The following ATP8A2 variants were observed in gnomAD, a reference collection of about 807,000 sequenced individuals.
ATP8A2 encodes ATPase phospholipid transporting 8A2.
A neutral mutation model predicts 165.6 loss-of-function variants in ATP8A2; 100 were observed. That is an observed-to-expected ratio of 0.60 (90% CI 0.51 to 0.71). The LOEUF (loss-of-function observed/expected upper bound fraction) is 0.71, where lower values mean the gene tolerates loss of function less well. ATP8A2 is among the 30% of genes least tolerant of loss of function. The pLI, the probability that ATP8A2 is intolerant of heterozygous loss-of-function variation, is 0.00. For missense variants in ATP8A2, 1,227 were observed against 1,479.5 expected (o/e 0.83, Z 2.80); for synonymous variants, 543 against 548.8 (o/e 0.99, Z 0.15).
intron 33 of ATP8A2, among the ~76,000 whole-genome samples, chr13:25,910,928 T>C (rs1954087937): frequency 6.6e-6 from 1 of 151,764 alleles, no homozygotes; most frequent in African/African-American, 2.4e-5. Flanking sequence ...CTCTCAATTT[T>C]TTTTTTTTTT....
intron 27 of ATP8A2, among the ~76,000 whole-genome samples, chr13:25,780,814 A>G: frequency 6.6e-6 from 1 of 151,992 alleles, no homozygotes; most frequent in Admixed American, 6.6e-5. Flanking sequence ...CTGATCTGAC[A>G]GGAGGCGGAG....
intron 16 of ATP8A2, among the ~76,000 whole-genome samples, chr13:25,567,984 A>C (rs1252188628): frequency 1.3e-5 from 2 of 152,372 alleles, no homozygotes; most frequent in South Asian, 4.1e-4. Context: ...CCACATTCTC[A>C]TCTAAATTGT....
At chr13:25,453,122 CGTTTCTTTTCTTTTCTTTTTGAAACGAA>C (rs1469474409) in intron 1 of ATP8A2, among the ~76,000 whole-genome samples, 1 of 151,560 alleles carries the variant, frequency 6.6e-6, no homozygotes, top group Non-Finnish European at 1.5e-5. Flanking sequence ...GTTATATGAA[CGTTTCTTTTCTTTTCTTTTTGAAACGAA>C]GTTTTCGCTC....
intron 1 of ATP8A2, among the ~76,000 whole-genome samples, chr13:25,468,411 C>G (rs61947627): frequency 0.28 from 43,157 of 152,036 alleles, 6,469 homozygotes; most frequent in African/African-American, 0.4. Context: ...CTGGGGTCTC[C>G]GAAGCCCATT....
At chr13:25,898,323 G>A (rs926170734) in intron 33 of ATP8A2, among the ~76,000 whole-genome samples, 17 of 152,276 alleles carry the variant, frequency 1.1e-4, no homozygotes, top group African/African-American at 1.9e-4. Flanking sequence ...TATCAGCAGC[G>A]GTGGCTGCAG....
chr13:25,961,860 A>G (rs1406958653), intron 34 of ATP8A2, among the ~76,000 whole-genome samples, 197 bp downstream of exon 34: 1 of 152,182 alleles, frequency 6.6e-6, no homozygotes, highest in Non-Finnish European at 1.5e-5. Context: ...ATAGACAACC[A>G]TAACAATAGA....
intron 25 of ATP8A2, among the ~76,000 whole-genome samples, chr13:25,739,606 TA>T (rs950486250): frequency 3.3e-4 from 49 of 147,438 alleles, no homozygotes; most frequent in Non-Finnish European, 3.9e-4. Context: ...GAAAGACAGT[TA>T]AAAAAAAAAG....
At chr13:26,004,763 A>G (rs1403068182) in intron 35 of ATP8A2, among the ~76,000 whole-genome samples, 2 of 151,940 alleles carry the variant, frequency 1.3e-5, no homozygotes, top group Non-Finnish European at 2.9e-5. Flanking sequence ...TATGGTTTTT[A>G]TATTTCATTT....
chr13:25,593,703 C>T (rs1340618037), intron 24 of ATP8A2, among the ~76,000 whole-genome samples: 3 of 152,100 alleles, frequency 2.0e-5, no homozygotes, highest in Admixed American at 6.6e-5. Flanking sequence ...GGAGGCATGG[C>T]GTTTCAAGTG....
At chr13:25,419,003 G>A (rs890362808) in intron 1 of ATP8A2, among the ~76,000 whole-genome samples, 2 of 152,174 alleles carry the variant, frequency 1.3e-5, no homozygotes, top group African/African-American at 2.4e-5. Context: ...AGGAAGAGAA[G>A]GGAGGGGGAA....
At chr13:25,538,279 G>C (rs1464257356) in intron 7 of ATP8A2, among the ~76,000 whole-genome samples, 1 of 151,954 alleles carries the variant, frequency 6.6e-6, no homozygotes, top group Non-Finnish European at 1.5e-5. Context: ...TATGTGTGTT[G>C]ACTCCACTTA....
At chr13:25,772,945 A>T (rs1246364816) in intron 26 of ATP8A2, among the ~76,000 whole-genome samples, 1 of 151,934 alleles carries the variant, frequency 6.6e-6, no homozygotes, top group Admixed American at 6.6e-5. Flanking sequence ...TTTTTAGCAG[A>T]GACGGCGTTT....
intron 36 of ATP8A2, 81 bp from the exon 37 acceptor site, chr13:26,019,805 CAA>C (rs200141078): frequency 1.0e-6 from 1 of 990,484 alleles, no homozygotes; most frequent in Non-Finnish European, 1.6e-6. Flanking sequence ...CGCACGCTGC[CAA>C]AAAAAAGCAG....
chr13:25,512,984 A>C lies in ATP8A2; in HGVS notation c.222-17015A>C, dbSNP rs2037309665. ...GCTGACCCCCCCACCTCCCTCCCGG[A>C]CGGGGTGGCTGGCCGGGCGGGGGGC... On this transcript the variant is annotated intron_variant, in intron 2 of 36. Transcript: ENST00000381655. 4.3e-5 allele frequency among the ~76,000 whole-genome samples: 5 copies of C among 116,552 alleles called. No homozygotes were observed. In the South Asian group the frequency reaches 9.6e-4, roughly 22 times the overall value. The allele number at this position is 116,552 out of a possible 152,430, so 76.5% of individuals were successfully genotyped here.
At chr13:25,944,233 C>T (rs1442254804) in intron 33 of ATP8A2, among the ~76,000 whole-genome samples, 3 of 152,156 alleles carry the variant, frequency 2.0e-5, no homozygotes, top group South Asian at 4.1e-4. Flanking sequence ...AAGAGCTGGG[C>T]GGGTGGCTCA....
At chr13:25,821,485 G>C (rs1327870896) in intron 27 of ATP8A2, among the ~76,000 whole-genome samples, 17 of 152,160 alleles carry the variant, frequency 1.1e-4, no homozygotes, top group Admixed American at 1.1e-3. Context: ...TTCATATCCA[G>C]TTATAGGAAT....
Position 25,699,248 on chromosome 13 carries a change from A to G in ATP8A2, c.2287A>G (p.Ile763Val). 6.2e-7 allele frequency: 1 copy of G among 1,613,432 alleles called. No homozygotes were observed. The highest frequency in any genetic ancestry group is 1.7e-5 in the Admixed American group (1 of 59,996). The change falls in exon 25 of 37, where the codon ATC becomes GTC. Residue 763 changes from isoleucine (I) to valine (V), a missense_variant. This residue lies in a region of ATP8A2 where 592 missense variants were observed against 785.6 expected (regional missense o/e 0.75). Transcript: ENST00000381655. ...LLGKENDVAL[I>V]IDGHTLKYAL... ...GGGCAAGGAAAATGACGTGGCCCTGATCATCGATGGCCACACCCTGAAGTA... is the reference window on the plus strand; with the variant it reads ...GGGCAAGGAAAATGACGTGGCCCTGGTCATCGATGGCCACACCCTGAAGTA...
At chr13:25,623,120 A>G (rs948050535) in intron 24 of ATP8A2, among the ~76,000 whole-genome samples, 3 of 152,258 alleles carry the variant, frequency 2.0e-5, no homozygotes, top group African/African-American at 7.2e-5. Flanking sequence ...ACAGTAGCTC[A>G]TGCCTGTAAT....
At chr13:25,466,226 T>C (rs961403803) in intron 1 of ATP8A2, among the ~76,000 whole-genome samples, 2 of 152,124 alleles carry the variant, frequency 1.3e-5, no homozygotes, top group African/African-American at 4.8e-5. Flanking sequence ...TTTTTTCTAC[T>C]TTTTCCCAGT....
Sources: allele counts gnomAD v4.1 joint callset (sites outside exome capture counted in the v4.1 genomes callset), GRCh38; gene constraint gnomAD v4.1.1; regional missense constraint gnomAD v4.1.1; transcripts MANE v1.5; gene names NCBI Gene and HGNC (gene_info 2026-07-23, HGNC 2026-07-21).